GRID2: variants seen among roughly 807,000 people sequenced by gnomAD.
GRID2 encodes the protein glutamate ionotropic receptor delta type subunit 2, also known as glutamate receptor ionotropic, delta-2.
GRID2 carries 33 observed loss-of-function variants against 114.8 expected under a neutral mutation model. The ratio of observed to expected loss-of-function variants is 0.29; its 90% CI spans 0.22 to 0.38. The LOEUF (loss-of-function observed/expected upper bound fraction) is 0.38, where lower values mean the gene tolerates loss of function less well. Ranked by LOEUF, GRID2 falls within the 10% of genes least tolerant of loss-of-function variation. The probability of loss-of-function intolerance (pLI) is 1.00; values close to 1 mark genes in which losing one functional copy is unlikely to be tolerated. For synonymous variants in GRID2, 505 were observed against 449.9 expected, an observed-to-expected ratio of 1.12 and a Z score of -1.55; for missense variants, 1,184 against 1,257.7, an observed-to-expected ratio of 0.94 and a Z score of 0.89.
chr4:93,487,501 C>A (rs1268299197), intron 11 of GRID2, among the ~76,000 whole-genome samples: 1 of 151,768 alleles, frequency 6.6e-6, no homozygotes, highest in East Asian at 1.9e-4. Flanking sequence ...ATTCAAAGTA[C>A]TTTTCATTTC....
intron 2 of GRID2, among the ~76,000 whole-genome samples, chr4:92,691,449 T>G (rs1734178287): frequency 6.6e-6 from 1 of 152,060 alleles, no homozygotes; most frequent in Admixed American, 6.6e-5. Context: ...GTCCCTAAAC[T>G]TAAGGAGCAA....
At chr4:93,335,097 A>G (rs1469436783) in intron 8 of GRID2, among the ~76,000 whole-genome samples, 6 of 143,216 alleles carry the variant, frequency 4.2e-5, no homozygotes, top group Non-Finnish European at 8.9e-5. Flanking sequence ...TTTGCAAACA[A>G]TATGTATATA....
intron 1 of GRID2, among the ~76,000 whole-genome samples, chr4:92,319,230 G>T (rs1279557154): frequency 6.6e-6 from 1 of 152,004 alleles, no homozygotes; most frequent in African/African-American, 2.4e-5. Context: ...GATTAATCAA[G>T]AATAATTGAT....
chr4:93,035,955 C>A (rs1171018828), intron 2 of GRID2, among the ~76,000 whole-genome samples: 1 of 152,114 alleles, frequency 6.6e-6, no homozygotes, highest in African/African-American at 2.4e-5. Flanking sequence ...TGAGGATAAC[C>A]AGGGAACATC....
intron 1 of GRID2, among the ~76,000 whole-genome samples, chr4:92,351,791 A>G (rs1728081107): frequency 6.6e-6 from 1 of 151,882 alleles, no homozygotes; most frequent in South Asian, 2.1e-4. Context: ...TATTTCATTA[A>G]CATAATGTCC....
chr4:92,447,195 A>G (rs1036714064), intron 1 of GRID2, among the ~76,000 whole-genome samples: 2 of 152,220 alleles, frequency 1.3e-5, no homozygotes, highest in African/African-American at 4.8e-5. Flanking sequence ...TTTATGTGAT[A>G]ATACATTACC....
At chr4:92,371,149 G>A (rs1334525892) in intron 1 of GRID2, among the ~76,000 whole-genome samples, 3 of 152,118 alleles carry the variant, frequency 2.0e-5, no homozygotes, top group Non-Finnish European at 4.4e-5. Context: ...GCTTCATGAA[G>A]ATTAAAATGA....
chr4:92,501,780 A>G (rs1279705702), intron 1 of GRID2, among the ~76,000 whole-genome samples: 1 of 152,170 alleles, frequency 6.6e-6, no homozygotes, highest in Non-Finnish European at 1.5e-5. Context: ...TAGTGTTTAA[A>G]GTTTCTTCTT....
chr4:93,551,888 T>G (rs1453449171), intron 13 of GRID2, among the ~76,000 whole-genome samples: 1 of 152,216 alleles, frequency 6.6e-6, no homozygotes, highest in Non-Finnish European at 1.5e-5. Flanking sequence ...TTTTTTAATT[T>G]TTTTATTATG....
intron 8 of GRID2, among the ~76,000 whole-genome samples, chr4:93,310,165 A>G (rs1338326166): frequency 6.6e-6 from 1 of 152,206 alleles, no homozygotes; most frequent in East Asian, 1.9e-4. Context: ...GCAAAAATAG[A>G]TAAGTAAAGA....
intron 1 of GRID2, among the ~76,000 whole-genome samples, chr4:92,531,097 CAAAAAT>C (rs1725332008): frequency 6.6e-6 from 1 of 151,394 alleles, no homozygotes; most frequent in Non-Finnish European, 1.5e-5. Context: ...TAAAATCAAA[CAAAAAT>C]AAAATAAAAA....
At chr4:93,248,834 G>A (rs1474932027) in intron 8 of GRID2, among the ~76,000 whole-genome samples, 1 of 152,032 alleles carries the variant, frequency 6.6e-6, no homozygotes, top group East Asian at 1.9e-4. Flanking sequence ...TGCTTGTATT[G>A]CCTCCTATGT....
chr4:93,543,533 A>C (rs1421550748), intron 13 of GRID2, among the ~76,000 whole-genome samples: 20 of 152,214 alleles, frequency 1.3e-4, no homozygotes. Flanking sequence ...AGTGAAAATA[A>C]AATTGCTGGA....
chr4:92,652,888 TTATAAATACA>T (rs1316400576), intron 2 of GRID2, among the ~76,000 whole-genome samples: 1 of 138,186 alleles, frequency 7.2e-6, no homozygotes, highest in Non-Finnish European at 1.6e-5. Flanking sequence ...AAAAATATAT[TTATAAATACA>T]TATAAATATA....
chr4:92,538,648 A>G (rs921407989), intron 1 of GRID2, among the ~76,000 whole-genome samples: 1 of 152,162 alleles, frequency 6.6e-6, no homozygotes, highest in African/African-American at 2.4e-5. Context: ...GTTACTCTAC[A>G]TGCTCTGTGA....
intron 2 of GRID2, among the ~76,000 whole-genome samples, chr4:93,038,128 C>A (rs367571521): frequency 6.6e-6 from 1 of 151,926 alleles, no homozygotes; most frequent in Non-Finnish European, 1.5e-5. Flanking sequence ...TCCTCTCTTA[C>A]TTCCTTGAGC....
chr4:93,581,197 T>C (rs1736954417), intron 13 of GRID2, among the ~76,000 whole-genome samples: 1 of 151,330 alleles, frequency 6.6e-6, no homozygotes, highest in South Asian at 2.1e-4. Context: ...CATGCATTGT[T>C]TGGTTTTCTC....
At position 92,657,258 on chromosome 4, in the gene GRID2, T is replaced by C. The variant is rs116445953; in HGVS notation, c.244+66972T>C. Among the ~76,000 whole-genome samples the C allele has an allele frequency of 8.5e-3, 1,291 of 151,828 alleles. 17 individuals are homozygous for C. Among genetic ancestry groups the C allele is most frequent in the African/African-American group, 0.03 (1,225 of 41,500 alleles). ...CTGTGTGAATCATTTACTTGGATTCTTATTGTACTTATTTGTGACTTCATA... is the reference window on the plus strand; with the variant it reads ...CTGTGTGAATCATTTACTTGGATTCCTATTGTACTTATTTGTGACTTCATA... On this transcript the variant is annotated intron_variant, in intron 2 of 15. Transcript: ENST00000282020.
At chr4:92,329,696 C>A (rs1448997546) in intron 1 of GRID2, among the ~76,000 whole-genome samples, 1 of 151,798 alleles carries the variant, frequency 6.6e-6, no homozygotes, top group South Asian at 2.1e-4. Context: ...AAAAAACACT[C>A]AAAAATCTTG....
Sources: allele counts gnomAD v4.1 joint callset (sites outside exome capture counted in the v4.1 genomes callset), GRCh38; gene constraint gnomAD v4.1.1; transcripts MANE v1.5; gene names NCBI Gene and HGNC (gene_info 2026-07-23, HGNC 2026-07-21).